The following PAK5 variants were observed in gnomAD, a reference collection of about 807,000 sequenced individuals.
The protein encoded by PAK5 is p21 (RAC1) activated kinase 5, also known as serine/threonine-protein kinase PAK 5.
PAK5 carries 16 observed loss-of-function variants against 65.9 expected under a neutral mutation model. That is an observed-to-expected ratio of 0.24 (90% confidence interval 0.16 to 0.37). The LOEUF is 0.37. PAK5 is among the 10% of genes least tolerant of loss of function. The pLI, the probability that PAK5 is intolerant of heterozygous loss-of-function variation, is 1.00. For missense variants in PAK5, 785 were observed against 903.9 expected (o/e 0.87, Z 1.69); for synonymous variants, 371 against 354.9 (o/e 1.05, Z -0.51).
intron 2 of PAK5, among the ~76,000 whole-genome samples, chr20:9,661,942 C>T (rs2123335067): frequency 6.6e-6 from 1 of 152,222 alleles, no homozygotes; most frequent in South Asian, 2.1e-4. Flanking sequence ...CTCCTGGGGG[C>T]TTTCTTCAGC....
At chr20:9,822,750 CAGTAT>C (rs1260415119) in intron 1 of PAK5, among the ~76,000 whole-genome samples, 4 of 152,310 alleles carry the variant, frequency 2.6e-5, no homozygotes, top group Admixed American at 6.5e-5. Context: ...TTCCAACAGT[CAGTAT>C]CTGTGTTTCT....
chr20:9,705,732 T>C (rs1022406720), intron 2 of PAK5, among the ~76,000 whole-genome samples: 2 of 152,116 alleles, frequency 1.3e-5, no homozygotes, highest in Non-Finnish European at 2.9e-5. Context: ...AGGAGAGATA[T>C]AAAAAATGAT....
chr20:9,804,046 C>T (rs2049202500), intron 1 of PAK5, among the ~76,000 whole-genome samples: 2 of 152,160 alleles, frequency 1.3e-5, no homozygotes, highest in African/African-American at 4.8e-5. Context: ...GACCTTCTAG[C>T]CCTTTGCCAC....
intron 3 of PAK5, among the ~76,000 whole-genome samples, chr20:9,600,551 C>T (rs1189087887): frequency 6.6e-6 from 1 of 152,144 alleles, no homozygotes; most frequent in East Asian, 1.9e-4. Flanking sequence ...GTATTTTAAG[C>T]TCTTTAGCTT....
intron 3 of PAK5, among the ~76,000 whole-genome samples, chr20:9,597,721 T>C (rs2046295140): frequency 6.6e-6 from 1 of 152,212 alleles, no homozygotes; most frequent in Non-Finnish European, 1.5e-5. Context: ...TTCTAGAGGC[T>C]GTGCAGCTTT....
intron 4 of PAK5, among the ~76,000 whole-genome samples, chr20:9,568,731 C>T (rs1456075237): frequency 6.6e-6 from 1 of 152,134 alleles, no homozygotes; most frequent in East Asian, 1.9e-4. Flanking sequence ...CTTTGGGAGG[C>T]TAAAGCTGAA....
At chr20:9,598,155 T>C (rs1364509549) in intron 3 of PAK5, among the ~76,000 whole-genome samples, 1 of 152,144 alleles carries the variant, frequency 6.6e-6, no homozygotes, top group Non-Finnish European at 1.5e-5. Context: ...CCTATCTCCC[T>C]GTGTCCATGT....
In PAK5 at chr20:9,713,596, A is replaced by C. The variant is rs992005347; in HGVS notation, c.-161-2161T>G. 1.4e-4 allele frequency among the ~76,000 whole-genome samples: 21 copies of C among 150,704 alleles called. 1 individual carries two copies. On this transcript the variant is annotated intron_variant, in intron 1 of 9. Coordinates refer to ENST00000353224, the MANE Select transcript of PAK5 (RefSeq NM_177990.4). ...ATTTCAGTGCTATTCATAATGGCCA[A>C]GATATGGAATCAACTTAAGTTTCCA... is the stretch of plus-strand genomic sequence containing the variant.
chr20:9,829,616 T>C (rs2058864159), intron 1 of PAK5, among the ~76,000 whole-genome samples: 2 of 152,228 alleles, frequency 1.3e-5, no homozygotes, highest in South Asian at 2.1e-4. Context: ...TAATTATGCA[T>C]GTGTGTCTCA....
At chr20:9,550,629 T>A (rs1334693133) in intron 7 of PAK5, among the ~76,000 whole-genome samples, 1 of 152,168 alleles carries the variant, frequency 6.6e-6, no homozygotes, top group East Asian at 1.9e-4. Flanking sequence ...CAACTAAATT[T>A]AATGCATTGA....
chr20:9,715,309 T>C (rs2123499299), intron 1 of PAK5, among the ~76,000 whole-genome samples: 1 of 152,214 alleles, frequency 6.6e-6, no homozygotes, highest in East Asian at 1.9e-4. Context: ...TCATCATCAC[T>C]GGCCATCAGA....
chr20:9,705,974 C>T (rs1362014906), intron 2 of PAK5, among the ~76,000 whole-genome samples: 2 of 152,100 alleles, frequency 1.3e-5, no homozygotes, highest in Admixed American at 6.6e-5. Context: ...ACACTTGCAA[C>T]ACAGACCCAG....
intron 7 of PAK5, among the ~76,000 whole-genome samples, chr20:9,554,945 C>T (rs1294906841): frequency 6.6e-6 from 1 of 152,194 alleles, no homozygotes; most frequent in Admixed American, 6.5e-5. Flanking sequence ...GAGGGATCTT[C>T]TGACCAGCCT....
intron 1 of PAK5, among the ~76,000 whole-genome samples, chr20:9,832,882 A>G (rs1356607171): frequency 6.6e-6 from 1 of 152,226 alleles, no homozygotes; most frequent in African/African-American, 2.4e-5. Flanking sequence ...ACTGATTTGC[A>G]AGAGTTCCTC....
chr20:9,642,826 C>T (rs952979363), intron 3 of PAK5, among the ~76,000 whole-genome samples: 10 of 152,102 alleles, frequency 6.6e-5, no homozygotes, highest in African/African-American at 2.2e-4. Flanking sequence ...TGTGTATGTA[C>T]TTAACATTTT....
intron 1 of PAK5, among the ~76,000 whole-genome samples, chr20:9,791,930 A>T (rs2049054443): frequency 6.6e-6 from 1 of 152,054 alleles, no homozygotes. Context: ...AACTAAATCC[A>T]TGTGAAACCT....
chr20:9,543,340 C>T (rs932066967), intron 8 of PAK5, among the ~76,000 whole-genome samples: 7 of 151,972 alleles, frequency 4.6e-5, no homozygotes, highest in Admixed American at 1.3e-4. Context: ...AATGGGAAGT[C>T]GAGACAATGA....
rs1227804094 is a variant in PAK5, at chr20:9,711,444, A to G, written c.-161-9T>C. 1 of 152,158 alleles carries G rather than the reference A, an allele frequency of 6.6e-6. No individual in the cohort carries two copies. The highest frequency in any genetic ancestry group is 1.5e-5 in the Non-Finnish European group (1 of 68,016). The allele number at this position is 152,158 out of a possible 1,614,324, so 9.4% of individuals were successfully genotyped here. A position where few individuals can be genotyped will look rare whatever the true frequency, so the allele number is the denominator to read the frequency against. ...TTCACCACAGTGTATTTCTGTAACA[A>G]TATAGTACCAAAATGACTCAGAACC... On this transcript the variant is annotated splice_polypyrimidine_tract_variant and intron_variant, in intron 1 of 9. Transcript: ENST00000353224.
At chr20:9,560,421 G>T (rs181290316) in intron 6 of PAK5, among the ~76,000 whole-genome samples, 33 of 152,226 alleles carry the variant, frequency 2.2e-4, no homozygotes, top group African/African-American at 6.0e-4. Context: ...GTGTAACGGC[G>T]CAATCAGAGC....
Sources: allele counts gnomAD v4.1 joint callset (sites outside exome capture counted in the v4.1 genomes callset), GRCh38; gene constraint gnomAD v4.1.1; transcripts MANE v1.5; gene names NCBI Gene and HGNC (gene_info 2026-07-23, HGNC 2026-07-21).